The following SPAG17 variants were observed in gnomAD, a reference collection of about 807,000 sequenced individuals.
The protein encoded by SPAG17 is sperm-associated antigen 17.
SPAG17 carries 169 observed loss-of-function variants against 273.6 expected under a neutral mutation model. The ratio of observed to expected loss-of-function variants is 0.62; its 90% CI spans 0.55 to 0.70. The LOEUF is 0.70. SPAG17 is among the 30% of genes least tolerant of loss of function. The pLI is 0.00. For missense variants in SPAG17, 2,557 were observed against 2,627.8 expected, an observed-to-expected ratio of 0.97 and a Z score of 0.59; for synonymous variants, 825 against 873.2, an observed-to-expected ratio of 0.94 and a Z score of 0.97.
Position 118,156,013 on chromosome 1 carries a change from T to C in SPAG17, c.88-4644A>G, listed in dbSNP as rs149117413. 1.4e-3 allele frequency among the ~76,000 whole-genome samples: 220 copies of C among 152,378 alleles called. 1 individual carries two copies. The highest frequency in any genetic ancestry group is 5.0e-3 in the African/African-American group (208 of 41,588). On this transcript the variant is annotated intron_variant, in intron 1 of 48. Coordinates refer to ENST00000336338, the MANE Select transcript of SPAG17 (RefSeq NM_206996.4). ...AATGTATGTTTAAAATGGGCATACG[T>C]TGTTATATAATAAACAAGAATACTA...
At chr1:118,005,388 C>G in intron 32 of SPAG17, 26 bp downstream of exon 32, 2 of 1,560,288 alleles carry the variant, frequency 1.3e-6, no homozygotes, top group Non-Finnish European at 1.7e-6. Flanking sequence ...CACAGGCTCT[C>G]TCTCCATACC....
Position 117,953,601 on chromosome 1 carries a change from A to G in SPAG17, c.*449T>C. 4 of 1,569,586 alleles carry G rather than the reference A, an allele frequency of 2.5e-6. No homozygotes were observed. Among genetic ancestry groups the G allele is most frequent in the Non-Finnish European group, 2.6e-6 (3 of 1,152,304 alleles). On this transcript the variant is annotated 3_prime_UTR_variant, in exon 49 of 49. Transcript: ENST00000336338. Reference sequence around the variant, plus strand: ...AATAAGATCTCAACTTTTTAGTAAAAGTTTTATTCTGTATCAACCAGAAAG... The same window carrying G: ...AATAAGATCTCAACTTTTTAGTAAAGGTTTTATTCTGTATCAACCAGAAAG...
At chr1:118,166,783 G>GTTAAATATTATTAAAATACTTTTACA (rs1287868053) in intron 1 of SPAG17, among the ~76,000 whole-genome samples, 1 of 152,046 alleles carries the variant, frequency 6.6e-6, no homozygotes, top group Admixed American at 6.6e-5. Flanking sequence ...AATTTTGCAT[G>GTTAAATATTATTAAAATACTTTTACA]TTAAATATTA....
intron 32 of SPAG17, among the ~76,000 whole-genome samples, chr1:118,001,313 G>A (rs940924468): frequency 4.6e-5 from 7 of 152,136 alleles, no homozygotes; most frequent in Non-Finnish European, 7.4e-5. Flanking sequence ...AGGCTTTGAT[G>A]TCAGGATGAT....
chr1:117,973,771 G>A (rs564098772), intron 43 of SPAG17, among the ~76,000 whole-genome samples: 1 of 152,108 alleles, frequency 6.6e-6, no homozygotes, highest in South Asian at 2.1e-4. Flanking sequence ...TGATCATGCT[G>A]CCCAAATAGT....
At chr1:117,963,152 C>G (rs1653326171) in intron 48 of SPAG17, 1 of 152,186 alleles carries the variant, frequency 6.6e-6, no homozygotes, top group African/African-American at 2.4e-5. Flanking sequence ...CCAACTCTTA[C>G]ATAGGGCCTG....
rs1266666492 is a variant in SPAG17 at position 118,066,888 on chromosome 1, T to C, written c.2397A>G (p.Glu799=). 5.0e-6 allele frequency: 8 copies of C among 1,599,034 alleles called. No homozygotes were observed. Among genetic ancestry groups the C allele is most frequent in the Non-Finnish European group, 6.8e-6 (8 of 1,176,078 alleles). ...KPKVLLQVLQ[E]AHKQYRCVDS... is the part of the protein sequence containing the mutation. ...CAACACACCTATATTGCTTATGGGC[T>C]TCTTGAAGGACCTGAAAATCAAAAT... The change falls in exon 18 of 49, where the codon GAA becomes GAG. Residue 799 remains glutamate (E), a synonymous_variant. Coordinates refer to ENST00000336338, the MANE Select transcript of SPAG17 (RefSeq NM_206996.4).
At chr1:118,012,419 C>T (rs1027042141) in intron 29 of SPAG17, 47 bp from the exon 30 acceptor site, 3 of 1,576,800 alleles carry the variant, frequency 1.9e-6, no homozygotes, top group Non-Finnish European at 2.6e-6. Context: ...CATGGTTCAT[C>T]CCAAGTGTAC....
chr1:118,039,730 C>T (rs1484346193), intron 22 of SPAG17, among the ~76,000 whole-genome samples: 2 of 152,066 alleles, frequency 1.3e-5, no homozygotes, highest in Admixed American at 1.3e-4. Context: ...CATACCAAAG[C>T]CCTGCGATAC....
intron 23 of SPAG17, among the ~76,000 whole-genome samples, chr1:118,037,203 T>C (rs1315671331): frequency 6.6e-6 from 1 of 152,222 alleles, no homozygotes; most frequent in Admixed American, 6.5e-5. Flanking sequence ...ATCAGTTCAG[T>C]TTCAGTTTCC....
At chr1:118,034,074 G>A (rs1017644823) in intron 24 of SPAG17, among the ~76,000 whole-genome samples, 1 of 152,184 alleles carries the variant, frequency 6.6e-6, no homozygotes, top group South Asian at 2.1e-4. Context: ...ATAAACAAGT[G>A]AATGGCGTTC....
At chr1:118,072,150 A>G (rs1026259988) in intron 17 of SPAG17, among the ~76,000 whole-genome samples, 6 of 152,236 alleles carry the variant, frequency 3.9e-5, no homozygotes, top group African/African-American at 1.4e-4. Context: ...GGAAGTCAGA[A>G]CACTGTCAAA....
chr1:118,055,189 C>A (rs1651523097), intron 19 of SPAG17, among the ~76,000 whole-genome samples: 1 of 152,052 alleles, frequency 6.6e-6, no homozygotes, highest in Non-Finnish European at 1.5e-5. Context: ...TCATCAACAA[C>A]AAAGGTATAT....
chr1:118,072,474 G>C (rs1334787125), intron 17 of SPAG17, among the ~76,000 whole-genome samples: 2 of 152,138 alleles, frequency 1.3e-5, no homozygotes, highest in Non-Finnish European at 2.9e-5. Flanking sequence ...AGGGAATATG[G>C]GAGAGATATC....
intron 1 of SPAG17, among the ~76,000 whole-genome samples, chr1:118,180,999 T>A (rs918150708): frequency 6.6e-6 from 1 of 152,058 alleles, no homozygotes; most frequent in African/African-American, 2.4e-5. Flanking sequence ...ACATCATAAG[T>A]CATGCAGAAG....
At chr1:118,158,623 G>A (rs1031120499) in intron 1 of SPAG17, among the ~76,000 whole-genome samples, 8 of 152,260 alleles carry the variant, frequency 5.3e-5, no homozygotes, top group Admixed American at 2.0e-4. Context: ...AGTGCAATAA[G>A]ACACGTTTCC....
intron 3 of SPAG17, among the ~76,000 whole-genome samples, chr1:118,148,053 T>C (rs1359867532): frequency 6.6e-6 from 1 of 152,094 alleles, no homozygotes; most frequent in African/African-American, 2.4e-5. Flanking sequence ...ATATCGTGAG[T>C]TCCTTATCTC....
At chr1:117,978,332 C>A (rs929223717) in intron 43 of SPAG17, among the ~76,000 whole-genome samples, 1 of 152,204 alleles carries the variant, frequency 6.6e-6, no homozygotes, top group African/African-American at 2.4e-5. Flanking sequence ...TCTCTTCTCT[C>A]CTGTCACTAT....
intron 10 of SPAG17, among the ~76,000 whole-genome samples, chr1:118,089,494 A>C (rs1655232496): frequency 6.6e-6 from 1 of 152,172 alleles, no homozygotes; most frequent in South Asian, 2.1e-4. Flanking sequence ...CATAAGGACA[A>C]GTATGATAAA....
Sources: gnomAD v4.1 joint callset for allele counts (sites outside exome capture counted in the v4.1 genomes callset) on GRCh38, gnomAD v4.1.1 for gene constraint, MANE v1.5 for transcripts, NCBI Gene and HGNC (gene_info 2026-07-23, HGNC 2026-07-21) for gene names.